Variants in LDB2 observed in about 807,000 individuals in gnomAD.
LDB2 encodes LIM domain binding 2, also known as LIM domain-binding protein 2.
In LDB2, 12 loss-of-function variants were observed where a neutral mutation model predicts 44.3. The ratio of observed to expected loss-of-function variants is 0.27; its 90% CI spans 0.17 to 0.44. LDB2 has a LOEUF of 0.44. LDB2 is among the 20% of genes least tolerant of loss of function. The pLI, the probability that LDB2 is intolerant of heterozygous loss-of-function variation, is 1.00. For synonymous variants in LDB2, 164 were observed against 174.8 expected, an observed-to-expected ratio of 0.94 and a Z score of 0.49; for missense variants, 344 against 473.5, an observed-to-expected ratio of 0.73 and a Z score of 2.54.
chr4:16,665,288 CAG>C (rs1252680081), intron 2 of LDB2, among the ~76,000 whole-genome samples: 6 of 109,420 alleles, frequency 5.5e-5, no homozygotes, highest in African/African-American at 1.1e-4. Flanking sequence ...TTTTTTGAGA[CAG>C]AGTCTCACTC....
intron 2 of LDB2, among the ~76,000 whole-genome samples, chr4:16,618,003 T>C (rs1330469339): frequency 6.6e-6 from 1 of 152,006 alleles, no homozygotes; most frequent in Non-Finnish European, 1.5e-5. Flanking sequence ...TAATTCTTTC[T>C]TTTTTTGAGC....
intron 1 of LDB2, among the ~76,000 whole-genome samples, chr4:16,816,407 C>CTTTTTTTTTTTTT (rs1171864969): frequency 1.7e-5 from 2 of 121,020 alleles, no homozygotes; most frequent in African/African-American, 6.5e-5. Flanking sequence ...CTTTTTCTTT[C>CTTTTTTTTTTTTT]TTTTTTTTTT....
At chr4:16,646,871 G>T (rs564066402) in intron 2 of LDB2, among the ~76,000 whole-genome samples, 1 of 152,200 alleles carries the variant, frequency 6.6e-6, no homozygotes, top group South Asian at 2.1e-4. Flanking sequence ...GGAAAAGCAT[G>T]CAGCCACTTT....
chr4:16,756,613 C>G (rs1766710481), intron 2 of LDB2, among the ~76,000 whole-genome samples: 1 of 152,146 alleles, frequency 6.6e-6, no homozygotes, highest in African/African-American at 2.4e-5. Context: ...CTACAAATGT[C>G]TATGCATTTG....
chr4:16,711,790 T>C (rs927947445), intron 2 of LDB2, among the ~76,000 whole-genome samples: 7 of 152,180 alleles, frequency 4.6e-5, no homozygotes, highest in Admixed American at 2.6e-4. Context: ...AACCCTTTCA[T>C]TTACAACCAA....
At position 16,582,946 on chromosome 4, in the gene LDB2, G is replaced by C. The variant is rs552951797; in HGVS notation, c.615+2976C>G. Among the ~76,000 whole-genome samples the C allele has an allele frequency of 6.6e-6, 1 of 151,956 alleles. No homozygotes were observed. Among genetic ancestry groups the C allele is most frequent in the African/African-American group, 2.4e-5 (1 of 41,232 alleles). On this transcript the variant is annotated intron_variant, in intron 5 of 7. Transcript: ENST00000304523. The surrounding 1 kb of genome is among the most constrained non-coding windows in gnomAD (Gnocchi z 4.8). ...TGATAACCCAAATCAAATGACAATA[G>C]TTGTTCTTGTTGTTGCTTCAAAAGC...
At chr4:16,850,986 G>A (rs1377037671) in intron 1 of LDB2, among the ~76,000 whole-genome samples, 1 of 146,192 alleles carries the variant, frequency 6.8e-6, no homozygotes, top group African/African-American at 2.5e-5. Flanking sequence ...GTATTGGGGA[G>A]TGGGAGATGA....
intron 1 of LDB2, among the ~76,000 whole-genome samples, chr4:16,897,952 A>ATATACACATATGTG (rs1725776298): frequency 1.4e-5 from 1 of 72,384 alleles, no homozygotes; most frequent in Non-Finnish European, 3.0e-5. Context: ...ATATGTATAT[A>ATATACACATATGTG]TATATATATA....
intron 2 of LDB2, among the ~76,000 whole-genome samples, chr4:16,694,227 C>A (rs1751553648): frequency 6.6e-6 from 1 of 152,322 alleles, no homozygotes; most frequent in East Asian, 1.9e-4. Flanking sequence ...GGATTCCTGA[C>A]CCTGATGGTT....
intron 1 of LDB2, among the ~76,000 whole-genome samples, chr4:16,873,956 TG>T (rs1463448262): frequency 1.3e-5 from 2 of 152,214 alleles, no homozygotes; most frequent in Admixed American, 1.3e-4. Context: ...ATAATGTTTT[TG>T]AGGCTCGTCC....
chr4:16,754,755 C>G (rs953469023), intron 2 of LDB2, among the ~76,000 whole-genome samples: 2 of 152,188 alleles, frequency 1.3e-5, no homozygotes, highest in African/African-American at 4.8e-5. Context: ...TGGTCTTGGA[C>G]TCCTGACCTC....
intron 5 of LDB2, among the ~76,000 whole-genome samples, chr4:16,566,742 A>G (rs1419142802): frequency 6.6e-6 from 1 of 152,198 alleles, no homozygotes; most frequent in African/African-American, 2.4e-5. Flanking sequence ...TTGTAATGCA[A>G]TTTTAGTATA....
chr4:16,631,566 A>G (rs997085222), intron 2 of LDB2, among the ~76,000 whole-genome samples: 25 of 152,140 alleles, frequency 1.6e-4, no homozygotes, highest in African/African-American at 6.0e-4. Flanking sequence ...CTAGCAGAAG[A>G]CAAGAAATAA....
chr4:16,711,949 T>C (rs1330787620), intron 2 of LDB2, among the ~76,000 whole-genome samples: 1 of 152,106 alleles, frequency 6.6e-6, no homozygotes, highest in Non-Finnish European at 1.5e-5. Flanking sequence ...TTAAAGTGGA[T>C]CAGAAACCTA....
intron 1 of LDB2, among the ~76,000 whole-genome samples, chr4:16,872,135 C>T (rs967037779): frequency 1.1e-4 from 16 of 151,656 alleles, no homozygotes; most frequent in African/African-American, 1.7e-4. Context: ...TGTATATACA[C>T]GCTCTTTTTT....
intron 5 of LDB2, among the ~76,000 whole-genome samples, chr4:16,526,971 T>C (rs1222105403): frequency 6.6e-6 from 1 of 152,252 alleles, no homozygotes; most frequent in East Asian, 1.9e-4. Flanking sequence ...ATAGTTGCCA[T>C]ATTTAGCAAA....
chr4:16,857,574 C>T (rs1032540166), intron 1 of LDB2, among the ~76,000 whole-genome samples: 8 of 152,172 alleles, frequency 5.3e-5, no homozygotes, highest in Non-Finnish European at 1.0e-4. Context: ...CTCCTGTCCC[C>T]GGACTGCCCT....
chr4:16,670,778 A>G (rs989726229), intron 2 of LDB2, among the ~76,000 whole-genome samples: 12 of 152,206 alleles, frequency 7.9e-5, no homozygotes, highest in African/African-American at 2.9e-4. Flanking sequence ...GTGGTGGTTG[A>G]ATTAGTTAAA....
intron 5 of LDB2, among the ~76,000 whole-genome samples, chr4:16,547,652 A>G (rs1736225006): frequency 6.6e-6 from 1 of 152,116 alleles, no homozygotes; most frequent in South Asian, 2.1e-4. Context: ...CTCAAGAACT[A>G]CTTACACAAC....
Sources: allele counts gnomAD v4.1 joint callset (sites outside exome capture counted in the v4.1 genomes callset), GRCh38; gene constraint gnomAD v4.1.1; non-coding constraint Gnocchi (gnomAD v3.1); transcripts MANE v1.5; gene names NCBI Gene and HGNC (gene_info 2026-07-23, HGNC 2026-07-21).